IGF1R: variants seen among roughly 807,000 people sequenced by gnomAD.
IGF1R encodes the protein insulin like growth factor 1 receptor.
A neutral mutation model predicts 144.6 loss-of-function variants in IGF1R; 44 were observed. The ratio of observed to expected loss-of-function variants is 0.30; its 90% CI spans 0.24 to 0.39. The LOEUF is 0.39. IGF1R is among the 10% of genes least tolerant of loss of function. The probability of loss-of-function intolerance (pLI) is 1.00; values close to 1 mark genes in which losing one functional copy is unlikely to be tolerated. For synonymous variants in IGF1R, 795 were observed against 722.8 expected, an observed-to-expected ratio of 1.10 and a Z score of -1.60; for missense variants, 1,355 against 1,833.7, an observed-to-expected ratio of 0.74 and a Z score of 4.77.
intron 6 of IGF1R, among the ~76,000 whole-genome samples, chr15:98,910,939 G>T (rs1010552550): frequency 2.0e-5 from 3 of 152,216 alleles, no homozygotes; most frequent in African/African-American, 7.2e-5. Flanking sequence ...TTTCAGGGCA[G>T]CCTAAAGGCT....
intron 2 of IGF1R, among the ~76,000 whole-genome samples, chr15:98,802,368 CATG>C (rs1468476683): frequency 2.0e-5 from 3 of 152,124 alleles, no homozygotes; most frequent in Non-Finnish European, 2.9e-5. Flanking sequence ...AGAGAAAACT[CATG>C]GTGGTGAGCT....
At chr15:98,787,816 A>T in intron 2 of IGF1R, among the ~76,000 whole-genome samples, 1 of 152,246 alleles carries the variant, frequency 6.6e-6, no homozygotes, top group East Asian at 1.9e-4. Flanking sequence ...GGTGTCTGGT[A>T]GGGACATGTG....
intron 2 of IGF1R, among the ~76,000 whole-genome samples, chr15:98,878,063 A>T (rs2013152508): frequency 6.6e-6 from 1 of 152,376 alleles, no homozygotes; most frequent in East Asian, 1.9e-4. Context: ...CGTCTAAGGT[A>T]TGTGTAATAG....
chr15:98,651,544 C>G (rs956084733), intron 1 of IGF1R, among the ~76,000 whole-genome samples: 7 of 152,204 alleles, frequency 4.6e-5, no homozygotes, highest in Non-Finnish European at 1.0e-4. Context: ...TGTATAGCTT[C>G]TCTAGTTTTG....
At chr15:98,763,685 T>G (rs2055363511) in intron 2 of IGF1R, among the ~76,000 whole-genome samples, 1 of 152,218 alleles carries the variant, frequency 6.6e-6, no homozygotes, top group Admixed American at 6.5e-5. Context: ...CAAATTCCCT[T>G]GTTACAACTG....
intron 2 of IGF1R, among the ~76,000 whole-genome samples, chr15:98,758,625 G>A (rs2141348201): frequency 6.6e-6 from 1 of 152,350 alleles, no homozygotes; most frequent in Admixed American, 6.5e-5. Context: ...AGGATGAGCA[G>A]GGTGCAGGGC....
chr15:98,761,788 C>G (rs1020977089), intron 2 of IGF1R, among the ~76,000 whole-genome samples: 3 of 152,220 alleles, frequency 2.0e-5, no homozygotes, highest in African/African-American at 7.2e-5. Flanking sequence ...CATTCAGTCC[C>G]TAGGTCCTCC....
intron 20 of IGF1R, among the ~76,000 whole-genome samples, chr15:98,952,018 C>T (rs1239689335): frequency 3.3e-5 from 5 of 152,192 alleles, no homozygotes; most frequent in African/African-American, 7.2e-5. Context: ...TAGCCATTTA[C>T]ATGAAAACCA....
intron 2 of IGF1R, among the ~76,000 whole-genome samples, chr15:98,826,926 G>A (rs1019244002): frequency 6.6e-6 from 1 of 152,094 alleles, no homozygotes; most frequent in South Asian, 2.1e-4. Context: ...AAGTCTACGG[G>A]GTTTATAATT....
intron 13 of IGF1R, among the ~76,000 whole-genome samples, chr15:98,927,079 A>G (rs2015750474): frequency 6.6e-6 from 1 of 152,166 alleles, no homozygotes; most frequent in Non-Finnish European, 1.5e-5. Context: ...GTGACATGAC[A>G]TGTTCCTGTC....
At chr15:98,828,353 G>C (rs1411238594) in intron 2 of IGF1R, among the ~76,000 whole-genome samples, 1 of 152,062 alleles carries the variant, frequency 6.6e-6, no homozygotes, top group African/African-American at 2.4e-5. Context: ...CCCTCTGCCT[G>C]CTCGTATAAG....
At chr15:98,879,239 T>G (rs2013246309) in intron 2 of IGF1R, among the ~76,000 whole-genome samples, 3 of 152,220 alleles carry the variant, frequency 2.0e-5, no homozygotes, top group Admixed American at 6.5e-5. Flanking sequence ...AATTCGGGGA[T>G]GATTTCAGAG....
At chr15:98,755,440 T>C (rs1224563226) in intron 2 of IGF1R, among the ~76,000 whole-genome samples, 1 of 152,114 alleles carries the variant, frequency 6.6e-6, no homozygotes, top group East Asian at 1.9e-4. Flanking sequence ...TTGCTGGTAC[T>C]ATAGAAAAGT....
intron 2 of IGF1R, among the ~76,000 whole-genome samples, chr15:98,709,419 A>T (rs113103574): frequency 0.063 from 9,557 of 152,294 alleles, 840 homozygotes; most frequent in African/African-American, 0.2. Context: ...CACTGGCTGC[A>T]GCCAGTACCT....
chr15:98,930,741 T>C (rs2015908236), intron 15 of IGF1R, among the ~76,000 whole-genome samples: 1 of 152,230 alleles, frequency 6.6e-6, no homozygotes, highest in Admixed American at 6.5e-5. Flanking sequence ...GCTCTGCTTT[T>C]TTTTTTATCA....
At chr15:98,836,901 G>A (rs1385590933) in intron 2 of IGF1R, among the ~76,000 whole-genome samples, 1 of 152,164 alleles carries the variant, frequency 6.6e-6, no homozygotes, top group Non-Finnish European at 1.5e-5. Flanking sequence ...GATTGACATT[G>A]CATCTCAGTG....
intron 1 of IGF1R, among the ~76,000 whole-genome samples, chr15:98,693,449 C>G (rs1157840323): frequency 6.6e-6 from 1 of 152,128 alleles, no homozygotes; most frequent in Admixed American, 6.5e-5. Context: ...GTCCTTCAGC[C>G]CTGCCTCCTG....
At position 98,707,682 on chromosome 15, in the gene IGF1R, G is replaced by T. The variant is rs749397555; in HGVS notation, c.215G>T (p.Ser72Ile). ...ATCTCCAAGGCCGAGGACTACCGCA[G>T]CTACCGCTTCCCCAAGCTCACGGTC... ...LLISKAEDYR[S>I]YRFPKLTVIT... Residue 72 changes from serine (S) to isoleucine (I), a missense_variant, in exon 2 of 21, where the codon AGC becomes ATC. Physicochemically the swap from Ser to Ile is moderately radical, Grantham distance 142 (BLOSUM62 -2). Around this residue, in one of 7 missense-constraint regions of IGF1R, gnomAD observed 75 missense variants for 160.0 expected, o/e 0.47. Transcript: ENST00000650285. The surrounding 1 kb of genome is among the most constrained non-coding windows in gnomAD (Gnocchi z 6.7). 1.9e-6 allele frequency: 3 copies of T among 1,614,058 alleles called. No homozygotes were observed.
In IGF1R at chr15:98,923,889, C is replaced by T. The variant is rs1175857946; in HGVS notation, c.2499C>T (p.Asp833=). 6.2e-7 allele frequency: 1 copy of T among 1,613,822 alleles called. No individual in the cohort carries two copies. Among genetic ancestry groups the T allele is most frequent in the Non-Finnish European group, 8.5e-7 (1 of 1,179,790 alleles). Residue 833 remains aspartate (D), a synonymous_variant, in exon 12 of 21, where the codon GAC becomes GAT. Transcript: ENST00000650285. ...TAAATTGTACAGAAGGAGCAGATGACATTCCTGGGCCAGTGACCTGGGAGC... is the reference window on the plus strand; with the variant it reads ...TAAATTGTACAGAAGGAGCAGATGATATTCCTGGGCCAGTGACCTGGGAGC... The part of the protein sequence containing the change: ...ARTMPAEGAD[D]IPGPVTWEPR...
Sources: gnomAD v4.1 joint callset for allele counts (sites outside exome capture counted in the v4.1 genomes callset) on GRCh38, gnomAD v4.1.1 for gene constraint, gnomAD v4.1.1 regional missense constraint, Gnocchi (gnomAD v3.1) non-coding constraint, MANE v1.5 for transcripts, NCBI Gene and HGNC (gene_info 2026-07-23, HGNC 2026-07-21) for gene names.